The following FKBP5 variants were observed in gnomAD, a reference collection of about 807,000 sequenced individuals.
The protein encoded by FKBP5 is FKBP prolyl isomerase 5, also known as peptidyl-prolyl cis-trans isomerase FKBP5.
FKBP5 carries 23 observed loss-of-function variants against 50.5 expected under a neutral mutation model. The ratio of observed to expected loss-of-function variants is 0.46; its 90% CI spans 0.33 to 0.65. The LOEUF (loss-of-function observed/expected upper bound fraction) is 0.65. FKBP5 is among the 30% of genes least tolerant of loss of function. The probability of loss-of-function intolerance (pLI) is 0.02; values close to 1 mark genes in which losing one functional copy is unlikely to be tolerated. For missense variants in FKBP5, 411 were observed against 553.1 expected, an observed-to-expected ratio of 0.74 and a Z score of 2.58; for synonymous variants, 176 against 190.6, an observed-to-expected ratio of 0.92 and a Z score of 0.63.
At chr6:35,648,385 C>T (rs2150992308) in intron 1 of FKBP5, among the ~76,000 whole-genome samples, 1 of 152,154 alleles carries the variant, frequency 6.6e-6, no homozygotes, top group South Asian at 2.1e-4. Context: ...TCCTCCCCTT[C>T]AGCCACCCTA....
At chr6:35,646,074 C>T (rs1373415014) in intron 1 of FKBP5, among the ~76,000 whole-genome samples, 1 of 152,146 alleles carries the variant, frequency 6.6e-6, no homozygotes, top group Non-Finnish European at 1.5e-5. Flanking sequence ...CGAGGTCATG[C>T]CACTGCACTC....
At chr6:35,685,473 A>T (rs1408500689) in intron 1 of FKBP5, among the ~76,000 whole-genome samples, 2 of 151,710 alleles carry the variant, frequency 1.3e-5, no homozygotes, top group African/African-American at 2.4e-5. Context: ...AATATAAAAT[A>T]CTTAAAAAAC....
intron 1 of FKBP5, among the ~76,000 whole-genome samples, chr6:35,687,701 CA>C (rs1394154661): frequency 6.6e-6 from 1 of 152,152 alleles, no homozygotes; most frequent in African/African-American, 2.4e-5. Flanking sequence ...AAAGTAAATC[CA>C]AAACCACGAG....
chr6:35,576,421 C>T (rs1369014192), intron 10 of FKBP5, among the ~76,000 whole-genome samples: 1 of 152,110 alleles, frequency 6.6e-6, no homozygotes, highest in Admixed American at 6.5e-5. Context: ...TCTATAATCC[C>T]AGCACTTTGG....
intron 5 of FKBP5, among the ~76,000 whole-genome samples, chr6:35,598,620 A>C (rs1229524835): frequency 6.6e-6 from 1 of 152,228 alleles, no homozygotes; most frequent in Non-Finnish European, 1.5e-5. Context: ...TAATAAGAAA[A>C]ATGGATGGCT....
chr6:35,577,877 A>C (rs1041311357), intron 9 of FKBP5, among the ~76,000 whole-genome samples: 2 of 152,044 alleles, frequency 1.3e-5, no homozygotes, highest in Non-Finnish European at 2.9e-5. Context: ...AACATGGCGA[A>C]ATCCTGTCTC....
intron 3 of FKBP5, among the ~76,000 whole-genome samples, chr6:35,634,451 C>T (rs1039923877): frequency 3.2e-4 from 49 of 152,054 alleles, no homozygotes; most frequent in Non-Finnish European, 6.0e-4. Flanking sequence ...CTACTAAAGA[C>T]CCAAAGGAGA....
chr6:35,604,249 C>T (rs1469117021), intron 5 of FKBP5, among the ~76,000 whole-genome samples: 1 of 152,012 alleles, frequency 6.6e-6, no homozygotes, highest in Non-Finnish European at 1.5e-5. Context: ...CCTCAAGCAA[C>T]CCTCCCACCT....
intron 9 of FKBP5, 23 bp downstream of exon 9, chr6:35,580,013 T>C (rs954699217): frequency 3.8e-6 from 6 of 1,591,492 alleles, no homozygotes; most frequent in Admixed American, 1.7e-5. Context: ...CTAAAGTCCA[T>C]CTCACAGGAG....
chr6:35,699,355 C>A (rs1766138899), intron 2 of FKBP5, among the ~76,000 whole-genome samples: 1 of 152,180 alleles, frequency 6.6e-6, no homozygotes, highest in African/African-American at 2.4e-5. Flanking sequence ...ATCACTTCTA[C>A]CACATTCTCT....
chr6:35,605,613 G>C (rs751877812), intron 5 of FKBP5, among the ~76,000 whole-genome samples: 4 of 151,936 alleles, frequency 2.6e-5, no homozygotes, highest in South Asian at 4.2e-4. Context: ...GCCCAGGCTG[G>C]TCTTGAACTC....
intron 1 of FKBP5, among the ~76,000 whole-genome samples, chr6:35,726,059 G>A (rs1766703973): frequency 1.3e-5 from 2 of 152,230 alleles, no homozygotes; most frequent in Admixed American, 1.3e-4. Context: ...TTGGGGGAAT[G>A]TAGGGTGCAG....
intron 5 of FKBP5, among the ~76,000 whole-genome samples, chr6:35,618,427 G>A (rs1259940353): frequency 6.6e-6 from 1 of 152,108 alleles, no homozygotes; most frequent in Non-Finnish European, 1.5e-5. Flanking sequence ...GAAGCACAAT[G>A]GCACAATCAC....
intron 3 of FKBP5, among the ~76,000 whole-genome samples, chr6:35,627,157 T>C (rs982807288): frequency 1.6e-4 from 24 of 152,230 alleles, no homozygotes; most frequent in African/African-American, 5.5e-4. Context: ...TTCTCTTTTT[T>C]TAACAGTACC....
At chr6:35,606,284 GAAC>G (rs1211866944) in intron 5 of FKBP5, among the ~76,000 whole-genome samples, 2 of 151,958 alleles carry the variant, frequency 1.3e-5, no homozygotes, top group African/African-American at 2.4e-5. Context: ...AAAAAATGCC[GAAC>G]ATCACTAATC....
intron 3 of FKBP5, among the ~76,000 whole-genome samples, chr6:35,636,773 A>G (rs1402264531): frequency 6.6e-6 from 1 of 152,196 alleles, no homozygotes; most frequent in Non-Finnish European, 1.5e-5. Context: ...TTGTACCATC[A>G]GTGCAAATAA....
At position 35,661,916 on chromosome 6, in the gene FKBP5, TCA is replaced by T. The variant is rs1765077033; in HGVS notation, c.-19-19075_-19-19074del. On this transcript the variant is annotated intron_variant, in intron 1 of 10. Transcript: ENST00000357266. ...TTTCCCTATCTAAAACACAAGGTTA[TCA>T]GTTATCAACATCTCTTGGGATTGTG... Among the ~76,000 whole-genome samples, 2 of 20,866 alleles carry T rather than the reference TCA, an allele frequency of 9.6e-5. 1 individual carries two copies. Among genetic ancestry groups the T allele is most frequent in the South Asian group, 3.3e-3 (2 of 602 alleles). 13.7% of individuals were successfully genotyped at this position (20,866 alleles called of 152,430 possible).
chr6:35,610,410 C>T (rs1361863675), intron 5 of FKBP5, among the ~76,000 whole-genome samples: 1 of 150,686 alleles, frequency 6.6e-6, no homozygotes, highest in Non-Finnish European at 1.5e-5. Flanking sequence ...ACTAAAAATA[C>T]AAAAAAAATC....
intron 2 of FKBP5, among the ~76,000 whole-genome samples, chr6:35,718,026 C>T (rs560200385): frequency 5.4e-4 from 82 of 152,272 alleles, no homozygotes; most frequent in African/African-American, 1.9e-3. Context: ...AAGGCTGTGC[C>T]CTAGGATGGG....
Sources: gnomAD v4.1 joint callset for allele counts (sites outside exome capture counted in the v4.1 genomes callset) on GRCh38, gnomAD v4.1.1 for gene constraint, MANE v1.5 for transcripts, NCBI Gene and HGNC (gene_info 2026-07-23, HGNC 2026-07-21) for gene names.